Variants in VPS35L observed in about 807,000 individuals in gnomAD.
VPS35L encodes the protein VPS35 endosomal protein sorting factor like, also known as VPS35 endosomal protein-sorting factor-like.
In VPS35L, 83 loss-of-function variants were observed where a neutral mutation model predicts 133.0. The observed-to-expected ratio is 0.62, with a 90% CI of 0.52 to 0.75. The LOEUF is 0.75. Ranked by LOEUF, VPS35L falls within the 30% of genes least tolerant of loss-of-function variation. VPS35L has a pLI of 0.00. For missense variants in VPS35L, 1,083 were observed against 1,206.8 expected (o/e 0.90, Z 1.52); for synonymous variants, 423 against 449.9 (o/e 0.94, Z 0.76).
chr16:19,558,629 C>A (rs541239634), intron 1 of VPS35L, among the ~76,000 whole-genome samples: 1 of 152,220 alleles, frequency 6.6e-6, no homozygotes, highest in East Asian at 1.9e-4. Context: ...CTTGGAAATA[C>A]CACCCTTTGG....
At chr16:19,566,654 T>C (rs893690910) in intron 2 of VPS35L, among the ~76,000 whole-genome samples, 20 of 152,036 alleles carry the variant, frequency 1.3e-4, no homozygotes, top group African/African-American at 4.4e-4. Flanking sequence ...AAAAGGAAAG[T>C]GACATTCAGA....
At position 19,577,126 on chromosome 16, in the gene VPS35L, A is replaced by G. The variant is rs532132300; in HGVS notation, c.434-1926A>G. The stretch of plus-strand genomic sequence containing the variant: ...GTTTGTTTAGTGGTACTATAAAGGA[A>G]TACCAGAGGCTGGCTAATTTATAAG... On this transcript the variant is annotated intron_variant, in intron 5 of 30. Coordinates refer to ENST00000417362, the MANE Select transcript of VPS35L (RefSeq NM_020314.7). 3.3e-5 allele frequency among the ~76,000 whole-genome samples: 5 copies of G among 152,324 alleles called. No individual in the cohort carries two copies. In the South Asian group the frequency reaches 8.3e-4, roughly 25 times the overall value.
At chr16:19,575,977 G>A (rs1356590498) in intron 5 of VPS35L, among the ~76,000 whole-genome samples, 2 of 139,862 alleles carry the variant, frequency 1.4e-5, no homozygotes, top group Non-Finnish European at 3.1e-5. Flanking sequence ...CCAACAATGT[G>A]AAACTCCATC....
chr16:19,595,738 A>G (rs1463096097), intron 8 of VPS35L, among the ~76,000 whole-genome samples: 1 of 152,220 alleles, frequency 6.6e-6, no homozygotes, highest in African/African-American at 2.4e-5. Context: ...GCTGTAGTGC[A>G]GATGCTGCTG....
At chr16:19,621,378 T>C (rs1331345627) in intron 14 of VPS35L, among the ~76,000 whole-genome samples, 1 of 152,252 alleles carries the variant, frequency 6.6e-6, no homozygotes, top group Admixed American at 6.5e-5. Context: ...TTGTTGGGAC[T>C]TTTGTCTATA....
intron 12 of VPS35L, among the ~76,000 whole-genome samples, chr16:19,613,541 C>A (rs998881475): frequency 6.6e-6 from 1 of 152,156 alleles, no homozygotes; most frequent in Non-Finnish European, 1.5e-5. Context: ...CTGTGGCTTG[C>A]TTTTTTTATA....
chr16:19,681,221 C>T (rs901830783), intron 27 of VPS35L, among the ~76,000 whole-genome samples: 3 of 146,270 alleles, frequency 2.1e-5, no homozygotes, highest in African/African-American at 7.8e-5. Flanking sequence ...CCAATTTGTT[C>T]AGCCAGTAGG....
chr16:19,693,816 G>A (rs936483721), intron 29 of VPS35L, among the ~76,000 whole-genome samples: 5 of 151,758 alleles, frequency 3.3e-5, no homozygotes, highest in African/African-American at 1.2e-4. Context: ...GGGCGTGGTG[G>A]TGAGTGCCTG....
At position 19,569,599 on chromosome 16, in the gene VPS35L, A is replaced by T. The variant is rs1031735086; in HGVS notation, c.285+8A>T. ...GCCTTGGCAGCTGCCATGGTAATGC[A>T]CCCCAGCCATGGTCGTCCAGTGGGG... On this transcript the variant is annotated splice_region_variant and intron_variant, in intron 3 of 30. Coordinates refer to ENST00000417362, the MANE Select transcript of VPS35L (RefSeq NM_020314.7). The T allele has an allele frequency of 3.9e-6, 6 of 1,525,718 alleles. No individual in the cohort carries two copies. The highest frequency in any genetic ancestry group is 4.4e-6 in the Non-Finnish European group (5 of 1,137,974). 94.5% of individuals were successfully genotyped at this position (1,525,718 alleles called of 1,614,324 possible). A position where few individuals can be genotyped will look rare whatever the true frequency, so the allele number is the denominator to read the frequency against.
intron 26 of VPS35L, among the ~76,000 whole-genome samples, chr16:19,665,640 G>A (rs774242767): frequency 3.3e-5 from 5 of 152,210 alleles, no homozygotes; most frequent in South Asian, 2.1e-4. Flanking sequence ...AAAACAAACA[G>A]GAGTGCAGAT....
At chr16:19,691,582 T>G (rs1975689013) in intron 29 of VPS35L, 111 bp downstream of exon 29, 1 of 801,512 alleles carries the variant, frequency 1.2e-6, no homozygotes, top group Admixed American at 2.1e-5. Context: ...GTGAGTAATG[T>G]GTTTATGTGC....
intron 5 of VPS35L, chr16:19,578,796 G>A: frequency 2.0e-6 from 1 of 509,052 alleles, no homozygotes; most frequent in Non-Finnish European, 3.6e-6. Flanking sequence ...AGCAAAGTTT[G>A]TAAATCTCAA....
rs113906247 is a variant in VPS35L at position 19,616,200 on chromosome 16, A to G, written c.1101+9A>G. On this transcript the variant is annotated intron_variant, in intron 13 of 30. Coordinates refer to ENST00000417362, the MANE Select transcript of VPS35L (RefSeq NM_020314.7). ...TCCTTACGTTCAAACAGGTAAGAGAACACTATCAGAATAGCTCATCGATAT... is the reference window on the plus strand; with the variant it reads ...TCCTTACGTTCAAACAGGTAAGAGAGCACTATCAGAATAGCTCATCGATAT... The G allele has an allele frequency of 3.8e-6, 6 of 1,597,752 alleles. No homozygotes were observed. In the African/African-American group the frequency reaches 5.4e-5, roughly 14 times the overall value.
intron 27 of VPS35L, among the ~76,000 whole-genome samples, chr16:19,670,740 C>T (rs1974847292): frequency 6.6e-6 from 1 of 152,146 alleles, no homozygotes; most frequent in Admixed American, 6.5e-5. Context: ...AATTCCTGGA[C>T]CCTCCCTAGC....
At chr16:19,613,875 G>A (rs1019837177) in intron 12 of VPS35L, among the ~76,000 whole-genome samples, 1 of 152,164 alleles carries the variant, frequency 6.6e-6, no homozygotes, top group African/African-American at 2.4e-5. Context: ...GCAATGGGGG[G>A]GATGAATGCT....
intron 29 of VPS35L, among the ~76,000 whole-genome samples, chr16:19,696,033 C>T (rs1224734993): frequency 6.6e-6 from 1 of 151,984 alleles, no homozygotes; most frequent in African/African-American, 2.4e-5. Context: ...ACTACAGGCG[C>T]GTGCCACCAC....
chr16:19,617,627 C>T (rs1972938718), intron 14 of VPS35L: 1 of 152,120 alleles, frequency 6.6e-6, no homozygotes, highest in South Asian at 2.1e-4. Flanking sequence ...ACATCAGAAT[C>T]ATAGCAGACA....
In VPS35L at chr16:19,682,399, G is replaced by GCCC. The variant is rs1236947037; in HGVS notation, c.2527+11_2527+12insCCC. 8 of 1,613,044 alleles carry GCCC rather than the reference G, an allele frequency of 5.0e-6. No homozygotes were observed. The South Asian group carries it at 7.7e-5, about 16-fold the overall frequency. On this transcript the variant is annotated intron_variant, in intron 28 of 30. Transcript: ENST00000417362. The stretch of plus-strand genomic sequence containing the variant: ...TTACCACATAGACAAAGGTAGCAGA[G>GCCC]CCTCCCCCACCAAACCATGCTCCGC...
chr16:19,584,739 G>T (rs1971814032), intron 7 of VPS35L, among the ~76,000 whole-genome samples: 1 of 150,958 alleles, frequency 6.6e-6, no homozygotes, highest in Non-Finnish European at 1.5e-5. Flanking sequence ...GGAGTGCAGT[G>T]ACTAGTCACA....
Sources: gnomAD v4.1 joint callset for allele counts (sites outside exome capture counted in the v4.1 genomes callset) on GRCh38, gnomAD v4.1.1 for gene constraint, MANE v1.5 for transcripts, NCBI Gene and HGNC (gene_info 2026-07-23, HGNC 2026-07-21) for gene names.